SEMA3B: variants seen among roughly 807,000 people sequenced by gnomAD.
SEMA3B encodes the protein semaphorin 3B, also known as semaphorin-3B.
A neutral mutation model predicts 77.8 loss-of-function variants in SEMA3B; 71 were observed. The observed-to-expected ratio is 0.91, with a 90% confidence interval of 0.75 to 1.11. The LOEUF (loss-of-function observed/expected upper bound fraction) is 1.11. Among genes scored for constraint, SEMA3B ranks in the 50% most tolerant of loss-of-function variants. The pLI, the probability that SEMA3B is intolerant of heterozygous loss-of-function variation, is 0.00. For missense variants in SEMA3B, 968 were observed against 1,056.8 expected, an observed-to-expected ratio of 0.92 and a Z score of 1.17; for synonymous variants, 470 against 452.9, an observed-to-expected ratio of 1.04 and a Z score of -0.48.
In SEMA3B at chr3:50,269,388, TG is replaced by T; in HGVS notation, c.109+42del. On this transcript the variant is annotated intron_variant, in intron 1 of 16. Coordinates refer to ENST00000616701, the MANE Select transcript of SEMA3B (RefSeq NM_001290060.2). This position sits in a 1 kb window ranked among gnomAD's most constrained non-coding sequence, Gnocchi z 4.0. ...GCAGGCGGGAGGGCCCAGCTTGAGG[TG>T]GGCAGGAAAGGGTCCCCGTATGGCC... 1 of 1,280,538 alleles carries T rather than the reference TG, an allele frequency of 7.8e-7. No homozygotes were observed. The allele number at this position is 1,280,538 out of a possible 1,614,324, so 79.3% of individuals were successfully genotyped here. A position where few individuals can be genotyped will look rare whatever the true frequency, so the allele number is the denominator to read the frequency against.
chr3:50,273,885 C>T lies in SEMA3B; in HGVS notation c.993-28C>T. The T allele has an allele frequency of 6.3e-7, 1 of 1,581,056 alleles. No homozygotes were observed. Among genetic ancestry groups the T allele is most frequent in the Non-Finnish European group, 8.6e-7 (1 of 1,161,286 alleles). On this transcript the variant is annotated intron_variant, in intron 9 of 16. Transcript: ENST00000616701. The surrounding 1 kb of genome is among the most constrained non-coding windows in gnomAD (Gnocchi z 6.5). ...CGGGCCGCTGGGCTCCACCCGGCCC[C>T]TCACCTCGCCCTGGTCTTCGCCTCC... is the stretch of plus-strand genomic sequence containing the variant.
chr3:50,275,776 G>A lies in SEMA3B; in HGVS notation c.1777G>A (p.Glu593Lys), dbSNP rs782140726. The change falls in exon 16 of 17, where the codon GAG becomes AAG. Residue 593 changes from glutamate to lysine, a missense_variant. Transcript: ENST00000616701. The surrounding 1 kb of genome is among the most constrained non-coding windows in gnomAD (Gnocchi z 7.5). ...VEGSSAFLEC[E>K]PRSLQARVEW... Reference sequence around the variant, plus strand: ...GGGCAGCAGCGCCTTTCTGGAGTGTGAGCCCCGCTCGCTGCAGGCGCGCGT... The same window carrying A: ...GGGCAGCAGCGCCTTTCTGGAGTGTAAGCCCCGCTCGCTGCAGGCGCGCGT... The A allele has an allele frequency of 4.3e-6, 7 of 1,612,760 alleles. No individual in the cohort carries two copies. In the East Asian group the frequency reaches 1.3e-4, roughly 31 times the overall value.
rs1053291085 is a variant in SEMA3B at position 50,275,664 on chromosome 3, T to C, written c.1706-41T>C. 2 of 1,613,056 alleles carry C rather than the reference T, an allele frequency of 1.2e-6. No individual in the cohort carries two copies. The highest frequency in any genetic ancestry group is 3.3e-5 in the Admixed American group (2 of 60,002). ...CCTCAGCCCCAGAAGACGCCCCACC[T>C]GCCCTGCCTTGCCTAAATCTGACTT... On this transcript the variant is annotated intron_variant, in intron 15 of 16. Transcript: ENST00000616701. The surrounding 1 kb of genome is among the most constrained non-coding windows in gnomAD (Gnocchi z 7.5).
Position 50,274,452 on chromosome 3 carries a change from C to G in SEMA3B, c.1227C>G (p.Tyr409Ter). The stretch of plus-strand genomic sequence containing the variant: ...TTGCGCGGAACCACCCCCTCATGTA[C>G]AACTCTGTCCTGCCCACTGGGGGGC... The part of the protein sequence containing the change: ...IQFARNHPLM[Y>*]NSVLPTGGRP... The change falls in exon 11 of 17, where the codon TAC becomes TAG. Residue 409 changes from tyrosine (Y) to a stop codon, truncating the protein, a stop_gained. Transcript: ENST00000616701. LOFTEE classifies it high-confidence loss of function. This position sits in a 1 kb window ranked among gnomAD's most constrained non-coding sequence, Gnocchi z 4.7. 6.5e-7 allele frequency: 1 copy of G among 1,535,522 alleles called. No homozygotes were observed. The highest frequency in any genetic ancestry group is 8.8e-7 in the Non-Finnish European group (1 of 1,142,838).
rs1460129436 is a variant in SEMA3B at position 50,270,634 on chromosome 3, TGA to T, written c.330+141_330+142del. The T allele has an allele frequency of 2.5e-6, 3 of 1,224,094 alleles. No homozygotes were observed. The highest frequency in any genetic ancestry group is 3.4e-6 in the Non-Finnish European group (3 of 878,148). 75.8% of individuals were successfully genotyped at this position (1,224,094 alleles called of 1,614,324 possible). On this transcript the variant is annotated intron_variant, in intron 3 of 16. Coordinates refer to ENST00000616701, the MANE Select transcript of SEMA3B (RefSeq NM_001290060.2). This position sits in a 1 kb window ranked among gnomAD's most constrained non-coding sequence, Gnocchi z 4.7. ...CGAGGTGGCTGAGGTCTGGGGGTGG[TGA>T]GTCAGGGTGGGGGCTCGTGTAATTC...
Position 50,275,168 on chromosome 3 carries a change from C to T in SEMA3B, c.1491+115C>T. ...TCCCGGGTTTGAGTACAGGCTCTGGCTTTGTTAGACTGTGTGACCTGAGGC... is the reference window on the plus strand; with the variant it reads ...TCCCGGGTTTGAGTACAGGCTCTGGTTTTGTTAGACTGTGTGACCTGAGGC... On this transcript the variant is annotated intron_variant, in intron 13 of 16. Transcript: ENST00000616701. This position sits in a 1 kb window ranked among gnomAD's most constrained non-coding sequence, Gnocchi z 7.5. 1 of 1,461,694 alleles carries T rather than the reference C, an allele frequency of 6.8e-7. No homozygotes were observed. The highest frequency in any genetic ancestry group is 9.1e-7 in the Non-Finnish European group (1 of 1,100,034). The allele number at this position is 1,461,694 out of a possible 1,614,324, so 90.5% of individuals were successfully genotyped here.
At chr3:50,269,135 G>A (rs1277932287), upstream of SEMA3B, 11 of 801,900 alleles carry the variant, frequency 1.4e-5, no homozygotes, top group East Asian at 2.7e-5. The surrounding 1 kb of genome is among the most constrained non-coding windows in gnomAD (Gnocchi z 4.0). Flanking sequence ...TCCCGCCCTC[G>A]CCCTCACTGC....
Position 50,269,369 on chromosome 3 carries a change from G to C in SEMA3B, c.109+20G>C, listed in dbSNP as rs782813362. The C allele has an allele frequency of 6.4e-6, 9 of 1,398,526 alleles. 1 individual carries two copies. In the South Asian group the frequency reaches 1.1e-4, roughly 17 times the overall value. The allele number at this position is 1,398,526 out of a possible 1,614,324, so 86.6% of individuals were successfully genotyped here. ...TCCAAGGTAGGTGCACCTGGCAGGC[G>C]GGAGGGCCCAGCTTGAGGTGGGCAG... On this transcript the variant is annotated intron_variant, in intron 1 of 16. Coordinates refer to ENST00000616701, the MANE Select transcript of SEMA3B (RefSeq NM_001290060.2). The surrounding 1 kb of genome is among the most constrained non-coding windows in gnomAD (Gnocchi z 4.0).
Position 50,270,546 on chromosome 3 carries a change from C to T in SEMA3B, c.330+51C>T, listed in dbSNP as rs1701020868. The T allele has an allele frequency of 1.2e-6, 2 of 1,610,232 alleles. No homozygotes were observed. Among genetic ancestry groups the T allele is most frequent in the South Asian group, 2.2e-5 (2 of 90,980 alleles). ...AGTGGGGAGGGTCAGCCCCTCACCCCAGAGACAGGGCAGGGCTAAAACAGA... is the reference window on the plus strand; with the variant it reads ...AGTGGGGAGGGTCAGCCCCTCACCCTAGAGACAGGGCAGGGCTAAAACAGA... On this transcript the variant is annotated intron_variant, in intron 3 of 16. Transcript: ENST00000616701. The surrounding 1 kb of genome is among the most constrained non-coding windows in gnomAD (Gnocchi z 4.7).
chr3:50,273,742 A>T lies in SEMA3B; in HGVS notation c.923-17A>T. On this transcript the variant is annotated splice_polypyrimidine_tract_variant and intron_variant, in intron 8 of 16. Transcript: ENST00000616701. The surrounding 1 kb of genome is among the most constrained non-coding windows in gnomAD (Gnocchi z 6.5). ...CGGGGCTGTGCGCCCTACCCCAGCT[A>T]GGCCCCTTCCCCGCAGAGGATGTGT... 6.2e-7 allele frequency: 1 copy of T among 1,605,082 alleles called. No individual in the cohort carries two copies. Among genetic ancestry groups the T allele is most frequent in the Non-Finnish European group, 8.5e-7 (1 of 1,178,698 alleles).
At chr3:50,265,682 T>C (rs1700883619), upstream of SEMA3B, among the ~76,000 whole-genome samples, 2 of 152,180 alleles carry the variant, frequency 1.3e-5, no homozygotes, top group African/African-American at 2.4e-5. Flanking sequence ...GTTTGCCCCA[T>C]TCTGTTGAGA....
upstream of SEMA3B, among the ~76,000 whole-genome samples, chr3:50,264,126 CTT>C (rs1700865352): frequency 6.6e-6 from 1 of 152,078 alleles, no homozygotes; most frequent in Non-Finnish European, 1.5e-5. Flanking sequence ...GGGAGGATCA[CTT>C]GAGCTCGGCA....
At position 50,275,202 on chromosome 3, in the gene SEMA3B, T is replaced by A. The variant is rs1701190170; in HGVS notation, c.1492-100T>A. 1 of 1,459,056 alleles carries A rather than the reference T, an allele frequency of 6.9e-7. No individual in the cohort carries two copies. The highest frequency in any genetic ancestry group is 1.4e-5 in the South Asian group (1 of 71,430). The allele number at this position is 1,459,056 out of a possible 1,614,324, so 90.4% of individuals were successfully genotyped here. A position where few individuals can be genotyped will look rare whatever the true frequency, so the allele number is the denominator to read the frequency against. ...ACTGTGTGACCTGAGGCGTAAGACCTCAGTGTTCCCATCTGTCGAGTGGAA... is the reference window on the plus strand; with the variant it reads ...ACTGTGTGACCTGAGGCGTAAGACCACAGTGTTCCCATCTGTCGAGTGGAA... On this transcript the variant is annotated intron_variant, in intron 13 of 16. Transcript: ENST00000616701. This position sits in a 1 kb window ranked among gnomAD's most constrained non-coding sequence, Gnocchi z 7.5.
rs1559793865 is a variant in SEMA3B at position 50,277,506 on chromosome 3, C to G, written c.*800C>G. 1.5e-5 allele frequency: 2 copies of G among 135,972 alleles called. No individual in the cohort carries two copies. Among genetic ancestry groups the G allele is most frequent in the African/African-American group, 2.8e-5 (1 of 35,274 alleles). The allele number at this position is 135,972 out of a possible 1,614,324, so 8.4% of individuals were successfully genotyped here. A position where few individuals can be genotyped will look rare whatever the true frequency, so the allele number is the denominator to read the frequency against. On this transcript the variant is annotated 3_prime_UTR_variant, in exon 17 of 17. Coordinates refer to ENST00000616701, the MANE Select transcript of SEMA3B (RefSeq NM_001290060.2). ...GGTGGAGGTTGCAATGAGCCTAGAT[C>G]TCGCCGCTGCACTCCAGCCTGGGCG...
chr3:50,271,832 T>C (rs1231211141), intron 6 of SEMA3B, among the ~76,000 whole-genome samples: 1 of 152,086 alleles, frequency 6.6e-6, no homozygotes, highest in East Asian at 1.9e-4. Context: ...CAGCAAAATT[T>C]AGGGATGAGC....
Position 50,275,959 on chromosome 3 carries a change from A to T in SEMA3B, c.1845+115A>T, listed in dbSNP as rs1701224318. On this transcript the variant is annotated intron_variant, in intron 16 of 16. Coordinates refer to ENST00000616701, the MANE Select transcript of SEMA3B (RefSeq NM_001290060.2). This position sits in a 1 kb window ranked among gnomAD's most constrained non-coding sequence, Gnocchi z 7.5. ...ACCAGACCCACTCCCCGCCCTGTCC[A>T]GTTTGGTCCCTCACCTGCACTCCAC... The T allele has an allele frequency of 7.5e-7, 1 of 1,341,578 alleles. No homozygotes were observed. Among genetic ancestry groups the T allele is most frequent in the Non-Finnish European group, 9.7e-7 (1 of 1,025,660 alleles). 83.1% of individuals were successfully genotyped at this position (1,341,578 alleles called of 1,614,324 possible). A position where few individuals can be genotyped will look rare whatever the true frequency, so the allele number is the denominator to read the frequency against.
chr3:50,265,966 C>T (rs782115397), upstream of SEMA3B, among the ~76,000 whole-genome samples: 4 of 152,224 alleles, frequency 2.6e-5, no homozygotes, highest in Non-Finnish European at 5.9e-5. Context: ...GGGACAGAGA[C>T]AGTCTAGTCC....
At chr3:50,272,736 G>A (rs968199814) in intron 6 of SEMA3B, among the ~76,000 whole-genome samples, 47 of 150,342 alleles carry the variant, frequency 3.1e-4, no homozygotes, top group African/African-American at 1.1e-3. Context: ...AGCCAGGTGT[G>A]GTGGTAGGCT....
Position 50,276,929 on chromosome 3 carries a change from C to T in SEMA3B, c.*223C>T, listed in dbSNP as rs1217150679. 1.4e-5 allele frequency: 7 copies of T among 509,598 alleles called. No individual in the cohort carries two copies. The highest frequency in any genetic ancestry group is 1.0e-4 in the African/African-American group (5 of 49,470). 31.6% of individuals were successfully genotyped at this position (509,598 alleles called of 1,614,324 possible). A position where few individuals can be genotyped will look rare whatever the true frequency, so the allele number is the denominator to read the frequency against. ...CCGGGAGGGCGGCACAGGTCGGGCG[C>T]AGGATTCAGCCGGAGGGAAGGGACG... On this transcript the variant is annotated 3_prime_UTR_variant, in exon 17 of 17. Transcript: ENST00000616701. This position sits in a 1 kb window ranked among gnomAD's most constrained non-coding sequence, Gnocchi z 5.8.
Sources: gnomAD v4.1 joint callset for allele counts (sites outside exome capture counted in the v4.1 genomes callset) on GRCh38, gnomAD v4.1.1 for gene constraint, Gnocchi (gnomAD v3.1) non-coding constraint, MANE v1.5 for transcripts, NCBI Gene and HGNC (gene_info 2026-07-23, HGNC 2026-07-21) for gene names.